Variants in PSD2 observed in about 807,000 individuals in gnomAD.
PSD2 encodes the protein PH and SEC7 domain-containing protein 2.
PSD2 carries 38 observed loss-of-function variants against 69.8 expected under a neutral mutation model. The ratio of observed to expected loss-of-function variants is 0.54; its 90% confidence interval spans 0.42 to 0.71. PSD2 has a LOEUF of 0.71. PSD2 is among the 30% of genes least tolerant of loss of function. PSD2 has a pLI of 0.00. For synonymous variants in PSD2, 412 were observed against 423.0 expected (o/e 0.97, Z 0.32); for missense variants, 943 against 1,014.5 (o/e 0.93, Z 0.96).
At chr5:139,763,001 A>C in the PSD2 span, among the ~76,000 whole-genome samples, 3 of 152,126 alleles carry the variant, frequency 2.0e-5, no homozygotes, top group African/African-American at 7.2e-5. Context: ...CGCCTCAGAG[A>C]GAGGACAGGG....
At chr5:139,812,117 TACAA>T in intron 2 of PSD2, among the ~76,000 whole-genome samples, 1 of 152,284 alleles carries the variant, frequency 6.6e-6, no homozygotes, top group East Asian at 1.9e-4. Flanking sequence ...GAACAAAACA[TACAA>T]ACCCCTTGCT....
chr5:139,805,357 C>G (rs1759779055), intron 1 of PSD2, among the ~76,000 whole-genome samples: 1 of 152,252 alleles, frequency 6.6e-6, no homozygotes, highest in Non-Finnish European at 1.5e-5. Context: ...AGCAGTTCCT[C>G]AATCTCTCTT....
intron 2 of PSD2, among the ~76,000 whole-genome samples, chr5:139,811,949 T>G (rs1759979320): frequency 6.6e-6 from 1 of 152,154 alleles, no homozygotes; most frequent in African/African-American, 2.4e-5. Flanking sequence ...CTCGTATCCC[T>G]TTCCTCTGTC....
the PSD2 span, among the ~76,000 whole-genome samples, chr5:139,762,562 G>T: frequency 6.6e-6 from 1 of 152,176 alleles, no homozygotes; most frequent in East Asian, 1.9e-4. Flanking sequence ...CATGCTGAGC[G>T]CTCAATAATT....
Position 139,839,985 on chromosome 5 carries a change from T to G in PSD2, c.1969-42T>G. 1 of 1,611,102 alleles carries G rather than the reference T, an allele frequency of 6.2e-7. No homozygotes were observed. Among genetic ancestry groups the G allele is most frequent in the Non-Finnish European group, 8.5e-7 (1 of 1,177,792 alleles). On this transcript the variant is annotated intron_variant, in intron 13 of 14. Transcript: ENST00000274710. This position sits in a 1 kb window ranked among gnomAD's most constrained non-coding sequence, Gnocchi z 5.1. ...ACAGGATTTGAGCCACTCCGTGACATCCTGAGAGTAAGGCCTCACAGTCCA... is the reference window on the plus strand; with the variant it reads ...ACAGGATTTGAGCCACTCCGTGACAGCCTGAGAGTAAGGCCTCACAGTCCA...
chr5:139,766,156 C>G, the PSD2 span, among the ~76,000 whole-genome samples: 2 of 152,112 alleles, frequency 1.3e-5, no homozygotes, highest in African/African-American at 4.8e-5. Context: ...ATCGCTGAGT[C>G]CACAGATGAA....
the PSD2 span, among the ~76,000 whole-genome samples, chr5:139,760,810 C>G: frequency 6.6e-6 from 1 of 152,152 alleles, no homozygotes; most frequent in African/African-American, 2.4e-5. Context: ...GAGCCACAAG[C>G]CTGCTGGGTG....
Position 139,835,810 on chromosome 5 carries a change from T to G in PSD2, c.1403+44T>G, listed in dbSNP as rs780445140. On this transcript the variant is annotated intron_variant, in intron 9 of 14. Transcript: ENST00000274710. ...CACAGGTATGGGGAGCATACATCCC[T>G]GGGTGGGGGAGTGTGGGGGTGCAGG... The G allele has an allele frequency of 6.3e-6, 10 of 1,593,030 alleles. No homozygotes were observed. In the East Asian group the frequency reaches 1.8e-4, roughly 28 times the overall value.
chr5:139,804,285 G>T (rs975152675), intron 1 of PSD2, among the ~76,000 whole-genome samples: 1 of 152,104 alleles, frequency 6.6e-6, no homozygotes, highest in Non-Finnish European at 1.5e-5. Flanking sequence ...TTTCCAGGGG[G>T]CAGAGAATAG....
intron 2 of PSD2, among the ~76,000 whole-genome samples, chr5:139,810,664 T>C (rs973278766): frequency 2.0e-5 from 3 of 152,122 alleles, no homozygotes; most frequent in African/African-American, 7.2e-5. Flanking sequence ...GTTCGTGTTA[T>C]GTAGGGATAA....
At chr5:139,776,083 A>G in the PSD2 span, among the ~76,000 whole-genome samples, 1 of 152,202 alleles carries the variant, frequency 6.6e-6, no homozygotes, top group South Asian at 2.1e-4. Flanking sequence ...GAGAGCTCAG[A>G]TATATACCCC....
chr5:139,830,907 GT>G (rs1211208875), intron 7 of PSD2, among the ~76,000 whole-genome samples: 1 of 142,188 alleles, frequency 7.0e-6, no homozygotes, highest in African/African-American at 2.7e-5. Flanking sequence ...TCTTGAGCCA[GT>G]TTTAGTAGCT....
Position 139,809,447 on chromosome 5 carries a change from G to A in PSD2, c.7G>A (p.Glu3Lys). 6.2e-7 allele frequency: 1 copy of A among 1,610,928 alleles called. No homozygotes were observed. The highest frequency in any genetic ancestry group is 8.5e-7 in the Non-Finnish European group (1 of 1,179,244). ...GGCGGAAGCAGTGGCTGCCATGGAG[G>A]AGGACAAGCTCTTATCTGCAGTGCC... is the stretch of plus-strand genomic sequence containing the variant. ME[E>K]DKLLSAVPEE... The change falls in exon 2 of 15, where the codon GAG becomes AAG. Residue 3 changes from glutamate to lysine, a missense_variant. Glu to Lys is a moderately conservative substitution (Grantham distance 56). Transcript: ENST00000274710.
intron 7 of PSD2, among the ~76,000 whole-genome samples, chr5:139,830,356 T>C (rs923336672): frequency 1.0e-4 from 15 of 149,622 alleles, no homozygotes; most frequent in Admixed American, 3.3e-4. Flanking sequence ...TTTTTTTTTT[T>C]TTTTTTTTCC....
At chr5:139,831,744 A>G (rs1386255745) in intron 7 of PSD2, among the ~76,000 whole-genome samples, 1 of 152,188 alleles carries the variant, frequency 6.6e-6, no homozygotes, top group African/African-American at 2.4e-5. Flanking sequence ...GTTGCTCTAC[A>G]TAGTCGATTT....
the PSD2 span, among the ~76,000 whole-genome samples, chr5:139,784,736 C>T: frequency 6.6e-6 from 1 of 152,082 alleles, no homozygotes; most frequent in Admixed American, 6.6e-5. Flanking sequence ...TCTCTCCTGC[C>T]ATATGTCTAC....
At chr5:139,756,361 T>A in the PSD2 span, among the ~76,000 whole-genome samples, 2 of 152,146 alleles carry the variant, frequency 1.3e-5, no homozygotes, top group South Asian at 4.2e-4. Context: ...GGGAGTGGGG[T>A]TGGGGAGCAG....
chr5:139,772,059 C>G, the PSD2 span, among the ~76,000 whole-genome samples: 1 of 152,136 alleles, frequency 6.6e-6, no homozygotes, highest in Admixed American at 6.5e-5. Context: ...AGAGGAGGAA[C>G]GGAAAGCCCT....
Position 139,809,703 on chromosome 5 carries a change from A to G in PSD2, c.263A>G (p.Asn88Ser), listed in dbSNP as rs762526190. 5 of 1,614,210 alleles carry G rather than the reference A, an allele frequency of 3.1e-6. No individual in the cohort carries two copies. In the South Asian group the frequency reaches 4.4e-5, roughly 14 times the overall value. The change falls in exon 2 of 15, where the codon AAC becomes AGC. Residue 88 changes from asparagine (N) to serine (S), a missense_variant. Coordinates refer to ENST00000274710, the MANE Select transcript of PSD2 (RefSeq NM_032289.4). ...TNGLALGPDL[N>S]ILEDSAESRP... Reference sequence around the variant, plus strand: ...GGCCTAGCCCTGGGGCCAGACTTGAACATTCTGGAAGATTCAGCGGAGTCC... The same window carrying G: ...GGCCTAGCCCTGGGGCCAGACTTGAGCATTCTGGAAGATTCAGCGGAGTCC...
Sources: allele counts gnomAD v4.1 joint callset (sites outside exome capture counted in the v4.1 genomes callset), GRCh38; gene constraint gnomAD v4.1.1; non-coding constraint Gnocchi (gnomAD v3.1); transcripts MANE v1.5; gene names NCBI Gene and HGNC (gene_info 2026-07-23, HGNC 2026-07-21).